The following KCNIP1 variants were observed in gnomAD, a reference collection of about 807,000 sequenced individuals.
The protein encoded by KCNIP1 is A-type potassium channel modulatory protein KCNIP1.
Under a neutral mutation model 33.0 loss-of-function variants are expected in KCNIP1, and 18 were observed. The ratio of observed to expected loss-of-function variants is 0.55; its 90% CI spans 0.38 to 0.81. The LOEUF is 0.81. Ranked by LOEUF, KCNIP1 falls within the 30% of genes least tolerant of loss-of-function variation. KCNIP1 has a pLI of 0.00. For synonymous variants in KCNIP1, 93 were observed against 98.3 expected (o/e 0.95, Z 0.32); for missense variants, 238 against 271.6 (o/e 0.88, Z 0.87).
Position 170,409,858 on chromosome 5 carries a change from G to A in KCNIP1, c.88+55894G>A, listed in dbSNP as rs76693345. ...GGGCAACATAATGTATTTCTCCTCT[G>A]GGTTGTCATGAGCATTCAAGGGGTT... is the stretch of plus-strand genomic sequence containing the variant. On this transcript the variant is annotated intron_variant, in intron 1 of 7. Transcript: ENST00000377360. Among the ~76,000 whole-genome samples the A allele has an allele frequency of 8.0e-3, 1,223 of 152,310 alleles. 16 individuals carry two copies. The highest frequency in any genetic ancestry group is 0.028 in the African/African-American group (1,147 of 41,550).
intron 1 of KCNIP1, among the ~76,000 whole-genome samples, chr5:170,412,748 A>G (rs1387678130): frequency 1.5e-4 from 23 of 152,100 alleles, no homozygotes; most frequent in Admixed American, 1.5e-3. Flanking sequence ...GGGCCTCTGC[A>G]CCAGATGTTC....
chr5:170,586,902 C>T (rs10058107), intron 1 of KCNIP1, among the ~76,000 whole-genome samples: 18,071 of 152,188 alleles, frequency 0.12, 1,294 homozygotes, highest in African/African-American at 0.21. Context: ...TCAGCTCTGA[C>T]CACACAGCAG....
intron 1 of KCNIP1, among the ~76,000 whole-genome samples, chr5:170,543,441 C>T (rs1040494491): frequency 1.3e-5 from 2 of 152,030 alleles, no homozygotes; most frequent in African/African-American, 2.4e-5. Flanking sequence ...TGTCTAGTAA[C>T]AAAATGTAGG....
intron 5 of KCNIP1, among the ~76,000 whole-genome samples, chr5:170,723,516 G>A (rs1763902008): frequency 6.6e-6 from 1 of 152,156 alleles, no homozygotes; most frequent in African/African-American, 2.4e-5. Flanking sequence ...CAGGCACGGT[G>A]CCTGGAGGTA....
At chr5:170,686,013 T>G (rs1398214957) in intron 1 of KCNIP1, among the ~76,000 whole-genome samples, 1 of 152,180 alleles carries the variant, frequency 6.6e-6, no homozygotes, top group African/African-American at 2.4e-5. Flanking sequence ...CCATCCCTTA[T>G]TCTACAGATC....
intron 1 of KCNIP1, chr5:170,560,980 G>A: frequency 2.6e-6 from 1 of 384,318 alleles, no homozygotes; most frequent in Non-Finnish European, 5.1e-6. Context: ...TCCCCTCTGG[G>A]GCCCAGAGGC....
At chr5:170,388,112 G>A (rs1764559818) in intron 1 of KCNIP1, among the ~76,000 whole-genome samples, 1 of 152,226 alleles carries the variant, frequency 6.6e-6, no homozygotes, top group South Asian at 2.1e-4. Context: ...GTGAAGGCAG[G>A]AACCTGGTTT....
At chr5:170,440,245 T>C (rs1755958212) in intron 1 of KCNIP1, among the ~76,000 whole-genome samples, 1 of 152,016 alleles carries the variant, frequency 6.6e-6, no homozygotes, top group Non-Finnish European at 1.5e-5. Context: ...TGGAAGAAAA[T>C]GAATTTTTGT....
At chr5:170,720,176 G>A in intron 2 of KCNIP1, 145 bp from the exon 3 acceptor site, 1 of 644,082 alleles carries the variant, frequency 1.6e-6, no homozygotes, top group Admixed American at 2.4e-5. Context: ...CTCCAGTCCT[G>A]AGATGGCACT....
At chr5:170,422,073 A>C (rs1029212444) in intron 1 of KCNIP1, 1 of 152,232 alleles carries the variant, frequency 6.6e-6, no homozygotes, top group Non-Finnish European at 1.5e-5. Context: ...CTGTCCTCAG[A>C]ATAGTGTTAG....
intron 5 of KCNIP1, among the ~76,000 whole-genome samples, chr5:170,730,950 T>C (rs1009491549): frequency 6.6e-6 from 1 of 151,998 alleles, no homozygotes; most frequent in African/African-American, 2.4e-5. Context: ...CTGTAAAATA[T>C]GGTAAATGCC....
intron 1 of KCNIP1, among the ~76,000 whole-genome samples, chr5:170,424,027 A>T (rs953566150): frequency 6.6e-6 from 1 of 152,256 alleles, no homozygotes; most frequent in Non-Finnish European, 1.5e-5. Context: ...TGATGATTTT[A>T]AAATGTAACA....
At chr5:170,567,720 G>A (rs1315094668) in intron 1 of KCNIP1, among the ~76,000 whole-genome samples, 1 of 152,194 alleles carries the variant, frequency 6.6e-6, no homozygotes, top group African/African-American at 2.4e-5. Flanking sequence ...ATGATGTTCT[G>A]GAAAGCAGTT....
rs371405455 is a variant in KCNIP1, at chr5:170,735,775, G to T, written c.620G>T (p.Arg207Met). 2.5e-6 allele frequency: 4 copies of T among 1,614,008 alleles called. No homozygotes were observed. The African/African-American group carries it at 5.3e-5, about 22-fold the overall frequency. The part of the protein sequence containing the change: ...ESCQEDDNIM[R>M]SLQLFQNVM ...TTTTCCCAGGACGACAACATCATGA[G>T]GTCTCTCCAGCTGTTTCAAAATGTC... Residue 207 changes from arginine (R) to methionine (M), a missense_variant, in exon 8 of 8, where the codon AGG becomes ATG. Transcript: ENST00000328939.
intron 1 of KCNIP1, among the ~76,000 whole-genome samples, chr5:170,495,546 A>C (rs1757294018): frequency 6.6e-6 from 1 of 152,228 alleles, no homozygotes; most frequent in African/African-American, 2.4e-5. Context: ...CAGCTCCCAC[A>C]TTCCGCCAAA....
intron 1 of KCNIP1, among the ~76,000 whole-genome samples, chr5:170,660,463 T>C (rs1448422393): frequency 2.0e-5 from 3 of 152,186 alleles, no homozygotes; most frequent in Non-Finnish European, 2.9e-5. Context: ...TTTTGATTTA[T>C]GGTTTCTGCC....
intron 1 of KCNIP1, among the ~76,000 whole-genome samples, chr5:170,527,108 AG>A (rs1755606418): frequency 6.6e-6 from 1 of 152,036 alleles, no homozygotes; most frequent in African/African-American, 2.4e-5. Context: ...CCTCATCACA[AG>A]GCTGGCTTGG....
chr5:170,513,722 A>G lies in KCNIP1; in HGVS notation c.61+9089A>G, dbSNP rs148311620. ...AATGGATTTCACTGATAATGTTCAG[A>G]ATCCCAGAGCAGGATGGCAGCCTGG... On this transcript the variant is annotated intron_variant, in intron 1 of 7. Transcript: ENST00000328939. Among the ~76,000 whole-genome samples, 459 of 152,334 alleles carry G rather than the reference A, an allele frequency of 3.0e-3. 3 individuals carry two copies. The highest frequency in any genetic ancestry group is 4.4e-3 in the Non-Finnish European group (299 of 68,022).
At chr5:170,543,579 T>C (rs1756295620) in intron 1 of KCNIP1, among the ~76,000 whole-genome samples, 1 of 152,208 alleles carries the variant, frequency 6.6e-6, no homozygotes, top group Non-Finnish European at 1.5e-5. Flanking sequence ...TTTGATTTTG[T>C]TTGACTTTCA....
Sources: allele counts gnomAD v4.1 joint callset (sites outside exome capture counted in the v4.1 genomes callset), GRCh38; gene constraint gnomAD v4.1.1; transcripts MANE v1.5; gene names NCBI Gene and HGNC (gene_info 2026-07-23, HGNC 2026-07-21).